The following COL13A1 variants were observed in gnomAD, a reference collection of about 807,000 sequenced individuals.
COL13A1 encodes the protein collagen alpha-1(XIII) chain.
A neutral mutation model predicts 130.9 loss-of-function variants in COL13A1; 89 were observed. The observed-to-expected ratio is 0.68, with a 90% CI of 0.57 to 0.81. COL13A1 has a LOEUF of 0.81. COL13A1 is among the 30% of genes least tolerant of loss of function. COL13A1 has a pLI of 0.00. For missense variants in COL13A1, 879 were observed against 934.6 expected, an observed-to-expected ratio of 0.94 and a Z score of 0.78; for synonymous variants, 402 against 341.6, an observed-to-expected ratio of 1.18 and a Z score of -1.95.
At chr10:69,905,076 C>A (rs925320999) in intron 16 of COL13A1, 117 bp downstream of exon 16, 10 of 1,208,524 alleles carry the variant, frequency 8.3e-6, no homozygotes, top group Non-Finnish European at 1.2e-5. Context: ...AGCTGAGAGA[C>A]AGATCAAGCT....
At chr10:69,900,678 TTATATGAA>T (rs2062096959) in intron 14 of COL13A1, among the ~76,000 whole-genome samples, 1 of 152,230 alleles carries the variant, frequency 6.6e-6, no homozygotes, top group Admixed American at 6.5e-5. Flanking sequence ...AAAGGAAGCT[TTATATGAA>T]ATATGATGTG....
At chr10:69,892,220 C>T (rs1189331772) in intron 10 of COL13A1, among the ~76,000 whole-genome samples, 4 of 152,202 alleles carry the variant, frequency 2.6e-5, no homozygotes, top group East Asian at 3.9e-4. Flanking sequence ...AGTTGCCCAC[C>T]GCTGTCCAGC....
chr10:69,895,916 G>A (rs2061589685), intron 13 of COL13A1, among the ~76,000 whole-genome samples: 1 of 152,162 alleles, frequency 6.6e-6, no homozygotes, highest in South Asian at 2.1e-4. Context: ...ATGGCCCCCT[G>A]TGGCAGCGTG....
Position 69,904,903 on chromosome 10 carries a change from T to C in COL13A1, c.859-30T>C, listed in dbSNP as rs778603985. The stretch of plus-strand genomic sequence containing the variant: ...ACCAGCTCTACTCACCTTTTCTTTT[T>C]TCTTTTTTTTTTTTTTTTTGCTTCC... On this transcript the variant is annotated intron_variant, in intron 15 of 40. Coordinates refer to ENST00000645393, the MANE Select transcript of COL13A1 (RefSeq NM_001368882.1). 7.8e-6 allele frequency: 12 copies of C among 1,531,482 alleles called. No individual in the cohort carries two copies. In the South Asian group the frequency reaches 1.1e-4, roughly 14 times the overall value. 94.9% of individuals were successfully genotyped at this position (1,531,482 alleles called of 1,614,324 possible).
intron 22 of COL13A1, 150 bp downstream of exon 22, chr10:69,922,085 G>A (rs571418751): frequency 2.8e-5 from 31 of 1,094,488 alleles, no homozygotes; most frequent in East Asian, 7.9e-5. Flanking sequence ...TCTGTTTGTC[G>A]AGGGAGAGGT....
At chr10:69,897,394 C>A in intron 13 of COL13A1, 2 of 1,401,404 alleles carry the variant, frequency 1.4e-6, no homozygotes, top group Non-Finnish European at 2.0e-6. Flanking sequence ...GGGTGGGGAG[C>A]AGGGGAGCTG....
chr10:69,873,506 C>T (rs1403570939), intron 4 of COL13A1, among the ~76,000 whole-genome samples: 7 of 152,200 alleles, frequency 4.6e-5, no homozygotes, highest in Non-Finnish European at 1.5e-5. Context: ...GGGCAATTGA[C>T]AGAGCAAGGG....
intron 26 of COL13A1, 114 bp from the exon 27 acceptor site, chr10:69,926,973 C>T: frequency 6.9e-7 from 1 of 1,442,030 alleles, no homozygotes; most frequent in Non-Finnish European, 9.7e-7. Context: ...CGTCTCCCTC[C>T]ACCCACGCTC....
At chr10:69,846,201 C>A (rs1368515743) in intron 2 of COL13A1, among the ~76,000 whole-genome samples, 4 of 152,252 alleles carry the variant, frequency 2.6e-5, no homozygotes, top group African/African-American at 9.6e-5. Flanking sequence ...AGAAGAGCAG[C>A]CCAGCCCTCG....
In COL13A1 at chr10:69,878,049, G is replaced by C; in HGVS notation, c.446G>C (p.Gly149Ala). The change falls in exon 6 of 41, where the codon GGC becomes GCC. Residue 149 changes from glycine (G) to alanine (A), a missense_variant. Around this residue, in one of 3 missense-constraint regions of COL13A1, gnomAD observed 715 missense variants for 721.0 expected, o/e 0.99. Transcript: ENST00000645393. ...ATGTGGCTGCCCCAGGGAGTAAAGGGCCAACCAGGCGAGAAGGTGAGTCCA... is the reference window on the plus strand; with the variant it reads ...ATGTGGCTGCCCCAGGGAGTAAAGGCCCAACCAGGCGAGAAGGTGAGTCCA... ...IGMPGRVGVK[G>A]QPGEKGSPGD... The C allele has an allele frequency of 2.8e-6, 2 of 702,814 alleles. No homozygotes were observed. Among genetic ancestry groups the C allele is most frequent in the Non-Finnish European group, 5.2e-6 (2 of 384,964 alleles). 43.5% of individuals were successfully genotyped at this position (702,814 alleles called of 1,614,324 possible).
At chr10:69,826,815 T>C (rs969250838) in intron 2 of COL13A1, among the ~76,000 whole-genome samples, 2 of 152,126 alleles carry the variant, frequency 1.3e-5, no homozygotes, top group Non-Finnish European at 2.9e-5. Context: ...GCCATCTTCA[T>C]CTTGTGGCAT....
At chr10:69,904,811 A>G in intron 15 of COL13A1, 122 bp from the exon 16 acceptor site, 5 of 1,061,386 alleles carry the variant, frequency 4.7e-6, no homozygotes, top group Non-Finnish European at 6.8e-6. Context: ...TAGCATGCCT[A>G]TTCTCTTGCC....
At chr10:69,862,763 C>A (rs1174227962) in intron 2 of COL13A1, among the ~76,000 whole-genome samples, 2 of 152,138 alleles carry the variant, frequency 1.3e-5, no homozygotes, top group African/African-American at 4.8e-5. Context: ...TGTTCTGCAG[C>A]CTTGAACGCA....
intron 22 of COL13A1, 74 bp from the exon 23 acceptor site, chr10:69,922,634 C>G: frequency 1.8e-6 from 2 of 1,101,842 alleles, no homozygotes; most frequent in South Asian, 3.3e-5. Flanking sequence ...GGCCCACACC[C>G]CATAGTGTCC....
intron 7 of COL13A1, among the ~76,000 whole-genome samples, chr10:69,885,912 T>C (rs11814131): frequency 0.22 from 32,945 of 152,014 alleles, 3,953 homozygotes; most frequent in East Asian, 0.46. Context: ...CCTAAGCCTG[T>C]GGCAGACTTC....
At chr10:69,812,784 A>T (rs1228158446) in intron 1 of COL13A1, among the ~76,000 whole-genome samples, 1 of 152,256 alleles carries the variant, frequency 6.6e-6, no homozygotes, top group Non-Finnish European at 1.5e-5. Flanking sequence ...TACTCCATGC[A>T]AGATCCTTGC....
At chr10:69,910,787 C>T (rs1035126522) in intron 17 of COL13A1, among the ~76,000 whole-genome samples, 4 of 152,192 alleles carry the variant, frequency 2.6e-5, no homozygotes, top group East Asian at 1.9e-4. Flanking sequence ...AGGGGGTTGA[C>T]GAGTATTGTC....
chr10:69,826,555 G>A (rs1847539964), intron 2 of COL13A1, among the ~76,000 whole-genome samples: 1 of 152,218 alleles, frequency 6.6e-6, no homozygotes, highest in Admixed American at 6.5e-5. Flanking sequence ...CAGTGTGCTG[G>A]TGAGGGGTGC....
At chr10:69,894,159 G>C (rs1375037790) in intron 10 of COL13A1, among the ~76,000 whole-genome samples, 1 of 152,234 alleles carries the variant, frequency 6.6e-6, no homozygotes. Context: ...TTCTGGTTCA[G>C]TGGGCTTCAC....
Sources: gnomAD v4.1 joint callset for allele counts (sites outside exome capture counted in the v4.1 genomes callset) on GRCh38, gnomAD v4.1.1 for gene constraint, gnomAD v4.1.1 regional missense constraint, MANE v1.5 for transcripts, NCBI Gene and HGNC (gene_info 2026-07-23, HGNC 2026-07-21) for gene names.